The following NDST4 variants were observed in gnomAD, a reference collection of about 807,000 sequenced individuals.
NDST4 encodes N-deacetylase and N-sulfotransferase 4.
In NDST4, 63 loss-of-function variants were observed where a neutral mutation model predicts 100.8. The ratio of observed to expected loss-of-function variants is 0.62; its 90% confidence interval spans 0.51 to 0.77. The LOEUF (loss-of-function observed/expected upper bound fraction) is 0.77, where lower values mean the gene tolerates loss of function less well. Among genes scored for constraint, NDST4 ranks in the 30% least tolerant of loss-of-function variants. NDST4 has a pLI of 0.00. For missense variants in NDST4, 943 were observed against 1,018.4 expected (o/e 0.93, Z 1.01); for synonymous variants, 377 against 361.8 (o/e 1.04, Z -0.48).
intron 2 of NDST4, among the ~76,000 whole-genome samples, chr4:115,044,477 G>A (rs1420637625): frequency 2.0e-5 from 3 of 151,974 alleles, no homozygotes; most frequent in Admixed American, 6.6e-5. Context: ...TAAAGGCATG[G>A]CAAAGTGAAG....
In NDST4 at chr4:114,937,515, C is replaced by G; in HGVS notation, c.1222-12G>C. ...GGTATTCCATGTTCCTAAAACAAAG[C>G]CAGAACAACATCATGATGGGACAAG... is the stretch of plus-strand genomic sequence containing the variant. On this transcript the variant is annotated splice_polypyrimidine_tract_variant and intron_variant, in intron 4 of 13. Coordinates refer to ENST00000264363, the MANE Select transcript of NDST4 (RefSeq NM_022569.3). 1 of 1,529,332 alleles carries G rather than the reference C, an allele frequency of 6.5e-7. No individual in the cohort carries two copies. The highest frequency in any genetic ancestry group is 2.3e-5 in the East Asian group (1 of 43,422). 94.7% of individuals were successfully genotyped at this position (1,529,332 alleles called of 1,614,324 possible).
chr4:115,076,162 G>T lies in NDST4; in HGVS notation c.875C>A (p.Ser292Ter), dbSNP rs763634178. 1.2e-6 allele frequency: 2 copies of T among 1,613,916 alleles called. No homozygotes were observed. The highest frequency in any genetic ancestry group is 2.2e-5 in the South Asian group (2 of 91,084). ...LIFIDAISFL[S>*]GKRLTLSLDR... ...CAAGGACAATGTCAGCCTCTTCCCTGACAAGAAGGAGATGGCATCTATGAA... is the reference window on the plus strand; with the variant it reads ...CAAGGACAATGTCAGCCTCTTCCCTTACAAGAAGGAGATGGCATCTATGAA... Residue 292 changes from serine (S) to a stop codon, truncating the protein, a stop_gained, in exon 2 of 14, where the codon TCA becomes TAA. Coordinates refer to ENST00000264363, the MANE Select transcript of NDST4 (RefSeq NM_022569.3). LOFTEE classifies it high-confidence loss of function.
intron 2 of NDST4, among the ~76,000 whole-genome samples, chr4:115,070,247 A>T (rs1729045500): frequency 6.6e-6 from 1 of 152,234 alleles, no homozygotes; most frequent in Non-Finnish European, 1.5e-5. Flanking sequence ...CAAGAATGAG[A>T]TCATATCCTC....
intron 2 of NDST4, among the ~76,000 whole-genome samples, chr4:115,010,548 AG>A (rs1303826571): frequency 1.6e-5 from 2 of 126,836 alleles, no homozygotes; most frequent in East Asian, 2.6e-4. Flanking sequence ...GGGTTGGGGG[AG>A]GGGGTAGGGA....
intron 3 of NDST4, 69 bp downstream of exon 3, chr4:114,977,118 C>T: frequency 9.8e-7 from 1 of 1,021,868 alleles, no homozygotes; most frequent in Non-Finnish European, 1.5e-6. Flanking sequence ...ATCTCTACCA[C>T]TTATGAATCA....
At chr4:115,039,404 A>G (rs1232279283) in intron 2 of NDST4, among the ~76,000 whole-genome samples, 1 of 151,960 alleles carries the variant, frequency 6.6e-6, no homozygotes, top group Non-Finnish European at 1.5e-5. Flanking sequence ...GCTAACTAAC[A>G]GAAGTTTCCA....
intron 1 of NDST4, among the ~76,000 whole-genome samples, chr4:115,097,181 A>C (rs1443951715): frequency 6.6e-6 from 1 of 151,972 alleles, no homozygotes; most frequent in Non-Finnish European, 1.5e-5. Flanking sequence ...ACAATGTTCT[A>C]GTTTTAAGTA....
chr4:115,031,401 A>G (rs1728113301), intron 2 of NDST4, among the ~76,000 whole-genome samples: 1 of 152,064 alleles, frequency 6.6e-6, no homozygotes, highest in Admixed American at 6.6e-5. Context: ...TGCAAGGTGA[A>G]TATAGCTTGT....
chr4:115,027,946 G>A (rs896353995), intron 2 of NDST4, among the ~76,000 whole-genome samples: 5 of 151,888 alleles, frequency 3.3e-5, no homozygotes, highest in East Asian at 1.9e-4. Context: ...CCAGCTACTC[G>A]AGAGGTTGAG....
At chr4:114,872,808 G>A (rs1198612612) in intron 6 of NDST4, among the ~76,000 whole-genome samples, 1 of 151,876 alleles carries the variant, frequency 6.6e-6, no homozygotes, top group East Asian at 1.9e-4. Flanking sequence ...CTAGTCAGTG[G>A]CAGAGCAGGA....
intron 7 of NDST4, among the ~76,000 whole-genome samples, chr4:114,860,243 T>C (rs1209148528): frequency 2.6e-5 from 4 of 152,206 alleles, no homozygotes; most frequent in African/African-American, 7.2e-5. Context: ...TTTTCTGCCA[T>C]CTTTTTATTT....
chr4:115,071,061 T>G (rs1010284111), intron 2 of NDST4, among the ~76,000 whole-genome samples: 2 of 151,874 alleles, frequency 1.3e-5, no homozygotes, highest in African/African-American at 2.4e-5. Context: ...GCTGAGTTTG[T>G]GCCACTATAC....
At chr4:114,998,828 T>C (rs1578441761) in intron 2 of NDST4, among the ~76,000 whole-genome samples, 1 of 152,086 alleles carries the variant, frequency 6.6e-6, no homozygotes, top group African/African-American at 2.4e-5. Context: ...AAATTCCCTG[T>C]AGACCTTGGG....
intron 1 of NDST4, among the ~76,000 whole-genome samples, chr4:115,085,229 G>A (rs527720741): frequency 6.6e-6 from 1 of 152,270 alleles, no homozygotes; most frequent in South Asian, 2.1e-4. Flanking sequence ...CATTTGGAAG[G>A]GGTATATTTA....
intron 6 of NDST4, among the ~76,000 whole-genome samples, chr4:114,880,952 CAG>C (rs1374767690): frequency 6.6e-6 from 1 of 152,030 alleles, no homozygotes; most frequent in African/African-American, 2.4e-5. Context: ...CGTGTTAAGA[CAG>C]AACGCATAGT....
intron 1 of NDST4, among the ~76,000 whole-genome samples, chr4:115,107,503 A>G (rs1367816067): frequency 6.6e-6 from 1 of 152,094 alleles, no homozygotes; most frequent in Non-Finnish European, 1.5e-5. Context: ...ATAAAATAAT[A>G]ATGTTACTCA....
Position 114,935,317 on chromosome 4 carries a change from A to C in NDST4, c.1425T>G (p.Thr475=). The C allele has an allele frequency of 6.2e-7, 1 of 1,607,570 alleles. No homozygotes were observed. Among genetic ancestry groups the C allele is most frequent in the Non-Finnish European group, 8.5e-7 (1 of 1,177,100 alleles). Residue 475 remains threonine, a synonymous_variant, in exon 6 of 14, where the codon ACT becomes ACG. Coordinates refer to ENST00000264363, the MANE Select transcript of NDST4 (RefSeq NM_022569.3). ...HNSIMVLPRQ[T]CGLFTHTIFY... is the part of the protein sequence containing the mutation. The stretch of plus-strand genomic sequence containing the variant: ...AAATAGTGTGAGTGAACAACCCACA[A>C]GTCTGTCGAGGGAGGACCTGAGTAA...
At chr4:114,921,712 T>C (rs184940072) in intron 6 of NDST4, among the ~76,000 whole-genome samples, 73 of 152,224 alleles carry the variant, frequency 4.8e-4, no homozygotes, top group African/African-American at 1.6e-3. Context: ...TTTAGTAAAC[T>C]AGAAAAAATA....
At chr4:115,027,560 A>T (rs7676598) in intron 2 of NDST4, among the ~76,000 whole-genome samples, 131,702 of 152,138 alleles carry the variant, frequency 0.87, 57,388 homozygotes, top group African/African-American at 0.9. Flanking sequence ...TCTCTTGATC[A>T]TTTTTATACA....
Sources: gnomAD v4.1 joint callset for allele counts (sites outside exome capture counted in the v4.1 genomes callset) on GRCh38, gnomAD v4.1.1 for gene constraint, MANE v1.5 for transcripts, NCBI Gene and HGNC (gene_info 2026-07-23, HGNC 2026-07-21) for gene names.